Variants in LITAF observed in about 807,000 individuals in gnomAD.
LITAF encodes lipopolysaccharide induced TNF factor.
LITAF carries 9 observed loss-of-function variants against 14.5 expected under a neutral mutation model. The observed-to-expected ratio is 0.62, with a 90% CI of 0.37 to 1.08. The LOEUF is 1.08. LITAF is among the 50% of genes least tolerant of loss of function. The pLI, the probability that LITAF is intolerant of heterozygous loss-of-function variation, is 0.01. For missense variants in LITAF, 206 were observed against 213.4 expected (o/e 0.97, Z 0.22); for synonymous variants, 98 against 88.2 (o/e 1.11, Z -0.62).
At chr16:11,551,508 A>C (rs146797337) in intron 3 of LITAF, among the ~76,000 whole-genome samples, 2 of 152,296 alleles carry the variant, frequency 1.3e-5, no homozygotes, top group African/African-American at 4.8e-5. Context: ...GGTTGCCTCA[A>C]TTTCTAAAGC....
chr16:11,609,459 C>T (rs1233276861), intron 3 of LITAF, among the ~76,000 whole-genome samples: 2 of 152,160 alleles, frequency 1.3e-5, no homozygotes, highest in African/African-American at 4.8e-5. Flanking sequence ...AGTGATCCAC[C>T]CGTCTCGGCC....
intron 1 of LITAF, among the ~76,000 whole-genome samples, chr16:11,559,033 A>G (rs2064316796): frequency 6.6e-6 from 1 of 152,122 alleles, no homozygotes; most frequent in Non-Finnish European, 1.5e-5. Context: ...GGATTACTTG[A>G]GCCCAGGAGT....
Position 11,556,581 on chromosome 16 carries a change from C to A in LITAF, c.150G>T (p.Gly50=). The A allele has an allele frequency of 3.1e-6, 5 of 1,614,154 alleles. No homozygotes were observed. In the South Asian group the frequency reaches 5.5e-5, roughly 18 times the overall value. The change falls in exon 2 of 4, where the codon GGG becomes GGT. Residue 50 remains glycine, a synonymous_variant. Coordinates refer to ENST00000622633, the MANE Select transcript of LITAF (RefSeq NM_001136472.2). ...GAGGATTCATGCCCTTCCCATCAGGCCCCGTCACAAGCCCCGTAGTTGGCC... is the reference window on the plus strand; with the variant it reads ...GAGGATTCATGCCCTTCCCATCAGGACCCGTCACAAGCCCCGTAGTTGGCC... ...MPGPTTGLVT[G]PDGKGMNPPS...
chr16:11,618,325 G>A (rs1008475074), intron 3 of LITAF, among the ~76,000 whole-genome samples: 1 of 152,156 alleles, frequency 6.6e-6, no homozygotes, highest in Non-Finnish European at 1.5e-5. Flanking sequence ...GCCTCCCCTG[G>A]CAAGGCGGGA....
At chr16:11,564,445 CG>C (rs538535473) in intron 1 of LITAF, among the ~76,000 whole-genome samples, 45 of 152,272 alleles carry the variant, frequency 3.0e-4, no homozygotes, top group African/African-American at 1.1e-3. Flanking sequence ...GCTGCTACTT[CG>C]GGCACTCACA....
intron 1 of LITAF, among the ~76,000 whole-genome samples, chr16:11,568,416 G>C (rs553421610): frequency 6.6e-6 from 1 of 152,118 alleles, no homozygotes; most frequent in East Asian, 1.9e-4. Context: ...GTCACTCCAC[G>C]CTCATCACCT....
intron 1 of LITAF, among the ~76,000 whole-genome samples, chr16:11,582,266 AGGGTT>A (rs2064749202): frequency 6.7e-6 from 1 of 148,704 alleles, no homozygotes; most frequent in East Asian, 2.0e-4. Flanking sequence ...GGCTTTTTAA[AGGGTT>A]TGAAAACAAG....
chr16:11,581,629 T>A (rs1368299240), intron 1 of LITAF, among the ~76,000 whole-genome samples: 1 of 152,064 alleles, frequency 6.6e-6, no homozygotes, highest in Admixed American at 6.6e-5. Flanking sequence ...AAAAAATATA[T>A]AAGTAAATAA....
intron 3 of LITAF, among the ~76,000 whole-genome samples, chr16:11,603,969 C>A (rs984996609): frequency 1.3e-5 from 2 of 152,054 alleles, no homozygotes; most frequent in Non-Finnish European, 2.9e-5. Context: ...ATGGCATGAA[C>A]CTGGGAGGCG....
At position 11,549,558 on chromosome 16, in the gene LITAF, C is replaced by T. The variant is rs756124744; in HGVS notation, c.*79G>A. On this transcript the variant is annotated 3_prime_UTR_variant, in exon 4 of 4. Coordinates refer to ENST00000622633, the MANE Select transcript of LITAF (RefSeq NM_001136472.2). The surrounding 1 kb of genome is among the most constrained non-coding windows in gnomAD (Gnocchi z 4.6). Reference sequence around the variant, plus strand: ...GAGAGGTGAGACCACCAGGGCAGAACCTCCACCAGGCGTGAAGCTGGATGA... The same window carrying T: ...GAGAGGTGAGACCACCAGGGCAGAATCTCCACCAGGCGTGAAGCTGGATGA... 6 of 1,090,006 alleles carry T rather than the reference C, an allele frequency of 5.5e-6. No individual in the cohort carries two copies. The highest frequency in any genetic ancestry group is 6.9e-6 in the Non-Finnish European group (5 of 725,090). The allele number at this position is 1,090,006 out of a possible 1,614,324, so 67.5% of individuals were successfully genotyped here.
intron 1 of LITAF, among the ~76,000 whole-genome samples, chr16:11,569,342 G>A (rs1408025623): frequency 2.6e-5 from 4 of 152,152 alleles, no homozygotes; most frequent in Non-Finnish European, 4.4e-5. Flanking sequence ...CTGGGCCCAA[G>A]TGATCCTCCC....
chr16:11,573,544 A>C (rs771737129), intron 1 of LITAF, among the ~76,000 whole-genome samples: 38 of 152,208 alleles, frequency 2.5e-4, no homozygotes, highest in Non-Finnish European at 5.0e-4. Flanking sequence ...AGGCAAGGGT[A>C]CCAATCAGGG....
chr16:11,588,853 CTCCTTCCTTCCT>C (rs35954261), upstream of LITAF, among the ~76,000 whole-genome samples: 1 of 150,036 alleles, frequency 6.7e-6, no homozygotes, highest in East Asian at 2.0e-4. Context: ...CCAACCTTTT[CTCCTTCCTTCCT>C]TCCTTCCTTC....
At chr16:11,591,553 T>C (rs961038151), upstream of LITAF, among the ~76,000 whole-genome samples, 10 of 144,812 alleles carry the variant, frequency 6.9e-5, no homozygotes, top group Non-Finnish European at 3.0e-5. Context: ...GGCATAAGAA[T>C]AGACATATAA....
chr16:11,608,959 A>C (rs1212878227), intron 3 of LITAF, among the ~76,000 whole-genome samples: 2 of 116,082 alleles, frequency 1.7e-5, no homozygotes, highest in Non-Finnish European at 3.5e-5. Context: ...ACACACACAC[A>C]AAAAAAACAA....
intron 1 of LITAF, among the ~76,000 whole-genome samples, chr16:11,575,090 A>T (rs1597350906): frequency 1.3e-5 from 2 of 152,256 alleles, no homozygotes; most frequent in Admixed American, 1.3e-4. Flanking sequence ...GGCGTGAGCC[A>T]CTGCACCCGG....
intron 1 of LITAF, chr16:11,575,424 G>T (rs950916676): frequency 6.6e-6 from 1 of 152,302 alleles, no homozygotes; most frequent in African/African-American, 2.4e-5. Flanking sequence ...CGTGGGGCAG[G>T]TGAGTAGTGC....
At chr16:11,615,956 T>C (rs1425926457) in intron 3 of LITAF, among the ~76,000 whole-genome samples, 1 of 152,154 alleles carries the variant, frequency 6.6e-6, no homozygotes, top group East Asian at 1.9e-4. Flanking sequence ...GACTAGGAGT[T>C]GGGTCCAATC....
At chr16:11,625,449 G>GAA (rs1159757566) in intron 3 of LITAF, among the ~76,000 whole-genome samples, 5 of 151,998 alleles carry the variant, frequency 3.3e-5, no homozygotes, top group African/African-American at 1.2e-4. Context: ...TTTTAGTGGA[G>GAA]ACAGGGTTTC....
Sources: gnomAD v4.1 joint callset for allele counts (sites outside exome capture counted in the v4.1 genomes callset) on GRCh38, gnomAD v4.1.1 for gene constraint, Gnocchi (gnomAD v3.1) non-coding constraint, MANE v1.5 for transcripts, NCBI Gene and HGNC (gene_info 2026-07-23, HGNC 2026-07-21) for gene names.